The following RAD51B variants were observed in gnomAD, a reference collection of about 807,000 sequenced individuals.
RAD51B encodes the protein DNA repair protein RAD51 homolog 2.
RAD51B carries 38 observed loss-of-function variants against 42.2 expected under a neutral mutation model. That is an observed-to-expected ratio of 0.90 (90% confidence interval 0.70 to 1.18). RAD51B has a LOEUF of 1.18. Among genes scored for constraint, RAD51B ranks in the 50% most tolerant of loss-of-function variants. The pLI is 0.00. For synonymous variants in RAD51B, 154 were observed against 145.2 expected (o/e 1.06, Z -0.43); for missense variants, 373 against 400.7 (o/e 0.93, Z 0.59).
In RAD51B at chr14:67,959,268, A is replaced by G. The variant is rs148903372; in HGVS notation, c.756+72064A>G. On this transcript the variant is annotated intron_variant, in intron 7 of 10. Coordinates refer to ENST00000471583, the MANE Select transcript of RAD51B (RefSeq NM_133510.4). ...TGGTCAATATTTTTTTTTTTTTGAG[A>G]CAGAGTCTTGCTCTGTTGCCCAGGC... 9.7e-3 allele frequency among the ~76,000 whole-genome samples: 1,448 copies of G among 149,940 alleles called. 30 individuals are homozygous for G. The highest frequency in any genetic ancestry group is 0.033 in the African/African-American group (1,335 of 40,814).
At position 68,221,836 on chromosome 14, in the gene RAD51B, C is replaced by T. The variant is rs182875983; in HGVS notation, c.757-70048C>T. ...GAATCTAAAAAGAACTCAAACAAATCATCAAGAAAAAACAAACAATTCCAT... is the reference window on the plus strand; with the variant it reads ...GAATCTAAAAAGAACTCAAACAAATTATCAAGAAAAAACAAACAATTCCAT... On this transcript the variant is annotated intron_variant, in intron 7 of 10. Transcript: ENST00000471583. Among the ~76,000 whole-genome samples, 15 of 152,184 alleles carry T rather than the reference C, an allele frequency of 9.9e-5. No homozygotes were observed. The East Asian group carries it at 2.9e-3, about 29-fold the overall frequency.
intron 8 of RAD51B, among the ~76,000 whole-genome samples, chr14:68,388,502 A>G (rs1438101637): frequency 1.3e-5 from 2 of 152,192 alleles, no homozygotes; most frequent in Non-Finnish European, 2.9e-5. Context: ...TGAAGGGACA[A>G]TCAGAGACAT....
intron 8 of RAD51B, among the ~76,000 whole-genome samples, chr14:68,344,821 C>T (rs1352728240): frequency 6.7e-6 from 1 of 150,250 alleles, no homozygotes; most frequent in African/African-American, 2.5e-5. Flanking sequence ...GTGGCGGGTG[C>T]CTGTAGTCCC....
rs2074565 is a variant in RAD51B at position 68,477,430 on chromosome 14, T to G, written c.1037-218T>G. Among the ~76,000 whole-genome samples, 65,296 of 151,792 alleles carry G rather than the reference T, an allele frequency of 0.43. 14,746 individuals carry two copies. The highest frequency in any genetic ancestry group is 0.57 in the African/African-American group (23,640 of 41,360). ...TGCAGCGACACTCCCCTTTTGTCTA[T>G]AGCTATCCTTAGTCAAGCCAGGGCT... On this transcript the variant is annotated intron_variant, in intron 10 of 10. Transcript: ENST00000471583.
At chr14:68,269,680 C>G (rs1338767020) in intron 7 of RAD51B, among the ~76,000 whole-genome samples, 1 of 152,218 alleles carries the variant, frequency 6.6e-6, no homozygotes. Context: ...TCTCACTCTA[C>G]AAGGGCAGAA....
intron 10 of RAD51B, among the ~76,000 whole-genome samples, chr14:68,539,977 G>C (rs917847388): frequency 6.6e-6 from 1 of 152,064 alleles, no homozygotes; most frequent in Non-Finnish European, 1.5e-5. Context: ...ATGGTCATCT[G>C]TGTCAGTGTC....
intron 7 of RAD51B, among the ~76,000 whole-genome samples, chr14:68,181,143 C>A (rs1444333492): frequency 6.6e-6 from 1 of 152,142 alleles, no homozygotes; most frequent in Non-Finnish European, 1.5e-5. Flanking sequence ...TGTGCCACAG[C>A]AAACAAAATG....
intron 7 of RAD51B, among the ~76,000 whole-genome samples, chr14:68,047,403 T>A (rs2076319769): frequency 6.6e-6 from 1 of 152,156 alleles, no homozygotes; most frequent in African/African-American, 2.4e-5. Context: ...ATTAGATATT[T>A]TAAATTTATG....
intron 11 of RAD51B, among the ~76,000 whole-genome samples, chr14:68,653,150 G>T (rs567802537): frequency 6.6e-6 from 1 of 152,330 alleles, no homozygotes; most frequent in South Asian, 2.1e-4. Flanking sequence ...CAGGTGGAGA[G>T]TATATAACTA....
chr14:68,058,964 T>G (rs990772430), intron 7 of RAD51B, among the ~76,000 whole-genome samples: 1 of 152,158 alleles, frequency 6.6e-6, no homozygotes, highest in Non-Finnish European at 1.5e-5. Context: ...AATATACCAC[T>G]TAGTGAAAAA....
chr14:67,942,046 G>A (rs556911694), intron 7 of RAD51B, among the ~76,000 whole-genome samples: 5 of 152,278 alleles, frequency 3.3e-5, no homozygotes, highest in African/African-American at 1.2e-4. Flanking sequence ...TTTAAATGTA[G>A]TAAAGAGAGG....
chr14:67,846,340 G>A (rs1018285374), intron 4 of RAD51B, among the ~76,000 whole-genome samples: 26 of 152,124 alleles, frequency 1.7e-4, no homozygotes, highest in Admixed American at 4.6e-4. Flanking sequence ...CCGTATGCGC[G>A]TTTGCAGTGG....
At chr14:68,588,228 T>G (rs1890581357) in intron 10 of RAD51B, among the ~76,000 whole-genome samples, 1 of 152,094 alleles carries the variant, frequency 6.6e-6, no homozygotes, top group Non-Finnish European at 1.5e-5. Context: ...ACAGCAGAGA[T>G]GATGTAACCT....
Position 67,825,571 on chromosome 14 carries a change from G to A in RAD51B, c.192G>A (p.Met64Ile). The A allele has an allele frequency of 6.3e-7, 1 of 1,593,004 alleles. No individual in the cohort carries two copies. Reference protein sequence around the residue: ...CMVSRACAPKMQTAYGIKAQR... With the variant: ...CMVSRACAPKIQTAYGIKAQR... ...TCAGCAGGGCCTGTGCCCCAAAGAT[G>A]CAAACGGTATATTTATATTTTATTA... Residue 64 changes from methionine to isoleucine, a missense_variant, in exon 3 of 11, where the codon ATG becomes ATA. Transcript: ENST00000471583.
chr14:68,679,669 G>A (rs1437700924), intron 11 of RAD51B, among the ~76,000 whole-genome samples: 1 of 152,208 alleles, frequency 6.6e-6, no homozygotes, highest in Non-Finnish European at 1.5e-5. Flanking sequence ...TTGGTATCCA[G>A]TTCAGCATAT....
intron 7 of RAD51B, among the ~76,000 whole-genome samples, chr14:68,081,321 C>T (rs926991536): frequency 2.0e-5 from 3 of 152,152 alleles, no homozygotes; most frequent in Non-Finnish European, 4.4e-5. Context: ...GCCTCTTGAG[C>T]CTCCTCCTCG....
intron 9 of RAD51B, among the ~76,000 whole-genome samples, chr14:68,435,241 T>C (rs2085116838): frequency 6.6e-6 from 1 of 152,262 alleles, no homozygotes; most frequent in East Asian, 1.9e-4. Flanking sequence ...ATGGGTACCC[T>C]GTACTTAGCT....
intron 8 of RAD51B, among the ~76,000 whole-genome samples, chr14:68,334,797 T>C (rs2082412722): frequency 6.6e-6 from 1 of 151,544 alleles, no homozygotes. Context: ...CTTTACTTGA[T>C]ATATCATGTG....
chr14:68,261,141 G>A (rs1456161559), intron 7 of RAD51B, among the ~76,000 whole-genome samples: 1 of 152,234 alleles, frequency 6.6e-6, no homozygotes, highest in Non-Finnish European at 1.5e-5. Flanking sequence ...TGCTGTGGAT[G>A]TTGCAGCTTA....
Sources: gnomAD v4.1 joint callset for allele counts (sites outside exome capture counted in the v4.1 genomes callset) on GRCh38, gnomAD v4.1.1 for gene constraint, MANE v1.5 for transcripts, NCBI Gene and HGNC (gene_info 2026-07-23, HGNC 2026-07-21) for gene names.